RASA2: variants seen among roughly 807,000 people sequenced by gnomAD.
RASA2 encodes the protein RAS p21 protein activator 2, also known as ras GTPase-activating protein 2.
Under a neutral mutation model 118.2 loss-of-function variants are expected in RASA2, and 155 were observed. The ratio of observed to expected loss-of-function variants is 1.31; its 90% CI spans 1.15 to 1.50. RASA2 has a LOEUF of 1.50. RASA2 is among the 40% of genes most tolerant of loss of function. The pLI is 0.00. For missense variants in RASA2, 1,016 were observed against 1,009.6 expected (o/e 1.01, Z -0.09); for synonymous variants, 353 against 349.1 (o/e 1.01, Z -0.12).
At chr3:141,610,156 A>G (rs778792507) in intron 23 of RASA2, 90 bp downstream of exon 23, 3 of 1,085,048 alleles carry the variant, frequency 2.8e-6, no homozygotes, top group Non-Finnish European at 3.8e-6. Flanking sequence ...CTGCTCACCC[A>G]CATCTGTCAA....
At chr3:141,496,967 A>G (rs1433454858) in intron 1 of RASA2, among the ~76,000 whole-genome samples, 1 of 152,194 alleles carries the variant, frequency 6.6e-6, no homozygotes, top group African/African-American at 2.4e-5. Flanking sequence ...CATATACACC[A>G]TGGAATACTA....
chr3:141,567,493 G>A (rs370238731), intron 9 of RASA2, among the ~76,000 whole-genome samples: 2 of 151,584 alleles, frequency 1.3e-5, no homozygotes, highest in East Asian at 1.9e-4. Flanking sequence ...AACAGTATAG[G>A]GGAAATATTG....
intron 3 of RASA2, among the ~76,000 whole-genome samples, chr3:141,518,357 C>T (rs2082059811): frequency 1.3e-5 from 2 of 151,272 alleles, no homozygotes; most frequent in Admixed American, 6.6e-5. Flanking sequence ...GCGGTGCGCA[C>T]CTGTAGTCCC....
chr3:141,593,499 G>A (rs577337505), intron 19 of RASA2, among the ~76,000 whole-genome samples: 3 of 152,220 alleles, frequency 2.0e-5, no homozygotes, highest in African/African-American at 7.2e-5. Context: ...GGAAATTGAG[G>A]CATAAAGAGG....
intron 14 of RASA2, among the ~76,000 whole-genome samples, chr3:141,574,538 T>C (rs2082980719): frequency 6.6e-6 from 1 of 152,232 alleles, no homozygotes; most frequent in Non-Finnish European, 1.5e-5. Flanking sequence ...TGATTCTATC[T>C]TTCTCATAAG....
At chr3:141,545,606 C>A (rs888585376) in intron 5 of RASA2, among the ~76,000 whole-genome samples, 1 of 151,512 alleles carries the variant, frequency 6.6e-6, no homozygotes, top group Non-Finnish European at 1.5e-5. Flanking sequence ...CACCACCAGA[C>A]CTGGCTAATT....
At chr3:141,577,245 C>T (rs1194174339) in intron 15 of RASA2, 139 bp downstream of exon 15, 17 of 630,598 alleles carry the variant, frequency 2.7e-5, no homozygotes, top group Non-Finnish European at 3.6e-5. Context: ...TTTTCTTGGC[C>T]ATTTCAGTCT....
At chr3:141,555,202 G>A (rs1369055796) in intron 6 of RASA2, among the ~76,000 whole-genome samples, 4 of 152,152 alleles carry the variant, frequency 2.6e-5, no homozygotes, top group African/African-American at 9.7e-5. Flanking sequence ...GAAGGTTATG[G>A]TGAACCGAGA....
At chr3:141,501,450 G>A (rs1242919340) in intron 1 of RASA2, among the ~76,000 whole-genome samples, 1 of 152,132 alleles carries the variant, frequency 6.6e-6, no homozygotes, top group Non-Finnish European at 1.5e-5. Flanking sequence ...TCTGTCTTAG[G>A]CATTGTGCCA....
chr3:141,600,699 T>G, intron 19 of RASA2: 1 of 154,072 alleles, frequency 6.5e-6, no homozygotes. Context: ...TGATCTGCCT[T>G]TTAGATAAGT....
intron 1 of RASA2, among the ~76,000 whole-genome samples, chr3:141,506,174 A>T (rs894169034): frequency 6.6e-6 from 1 of 152,274 alleles, no homozygotes; most frequent in African/African-American, 2.4e-5. Context: ...GATGTTACAG[A>T]ATAAAATAAA....
intron 19 of RASA2, among the ~76,000 whole-genome samples, chr3:141,588,546 T>C (rs1278199422): frequency 6.6e-6 from 1 of 152,222 alleles, no homozygotes; most frequent in Non-Finnish European, 1.5e-5. Context: ...CTGTAAATTC[T>C]GGAATAATAC....
At chr3:141,580,085 A>AAAAAATAT (rs1553797703) in intron 15 of RASA2, among the ~76,000 whole-genome samples, 11 of 59,618 alleles carry the variant, frequency 1.8e-4, no homozygotes, top group African/African-American at 2.7e-4. Flanking sequence ...AAAAAAAAAA[A>AAAAAATAT]ATATATATAT....
intron 19 of RASA2, among the ~76,000 whole-genome samples, chr3:141,604,481 A>G (rs2083516088): frequency 6.6e-6 from 1 of 152,124 alleles, no homozygotes; most frequent in Non-Finnish European, 1.5e-5. Context: ...TCATGCTTTC[A>G]ATTATTCTTT....
intron 3 of RASA2, among the ~76,000 whole-genome samples, chr3:141,517,252 C>T (rs2082041159): frequency 6.6e-6 from 1 of 152,140 alleles, no homozygotes; most frequent in Non-Finnish European, 1.5e-5. Context: ...ACATTTTCTT[C>T]CTGTCTGTAT....
At chr3:141,548,619 A>G (rs1357842128) in intron 5 of RASA2, among the ~76,000 whole-genome samples, 1 of 152,144 alleles carries the variant, frequency 6.6e-6, no homozygotes, top group Non-Finnish European at 1.5e-5. Context: ...TGCTAAAGGC[A>G]TGGTTTCACA....
rs548837074 is a variant in RASA2 at position 141,579,020 on chromosome 3, A to G, written c.1591-1348A>G. 2.0e-5 allele frequency among the ~76,000 whole-genome samples: 3 copies of G among 152,332 alleles called. No homozygotes were observed. In the East Asian group the frequency reaches 5.8e-4, roughly 29 times the overall value. On this transcript the variant is annotated intron_variant, in intron 15 of 23. Transcript: ENST00000286364. ...AGGTGTGTATCTACTTTATAAGTAT[A>G]TTATAAGGATCATATTTCGGATATT...
At chr3:141,554,230 T>A (rs2082616298) in intron 6 of RASA2, among the ~76,000 whole-genome samples, 2 of 152,220 alleles carry the variant, frequency 1.3e-5, no homozygotes, top group Admixed American at 1.3e-4. Context: ...TAAACTTGAC[T>A]TTTCATGCAT....
intron 9 of RASA2, among the ~76,000 whole-genome samples, chr3:141,564,795 C>A (rs757035164): frequency 6.6e-6 from 1 of 152,108 alleles, no homozygotes; most frequent in Non-Finnish European, 1.5e-5. Flanking sequence ...AAAGGGTGTT[C>A]ATTATTACTA....
Sources: allele counts gnomAD v4.1 joint callset (sites outside exome capture counted in the v4.1 genomes callset), GRCh38; gene constraint gnomAD v4.1.1; transcripts MANE v1.5; gene names NCBI Gene and HGNC (gene_info 2026-07-23, HGNC 2026-07-21).